Variants in BRCA2 observed in about 807,000 individuals in gnomAD.
The protein encoded by BRCA2 is BRCA2 DNA repair associated.
In BRCA2, 203 loss-of-function variants were observed where a neutral mutation model predicts 276.7. The observed-to-expected ratio is 0.73, with a 90% CI of 0.65 to 0.82. The LOEUF is 0.82. Ranked by LOEUF, BRCA2 falls within the 40% of genes least tolerant of loss-of-function variation. The pLI is 0.00. For missense variants in BRCA2, 3,920 were observed against 3,915.0 expected (o/e 1.00, Z -0.03); for synonymous variants, 1,289 against 1,338.4 (o/e 0.96, Z 0.81).
rs1374193072 is a variant in BRCA2 at position 32,336,622 on chromosome 13, A to G, written c.2267A>G (p.Gln756Arg). Residue 756 changes from glutamine to arginine, a missense_variant, in exon 11 of 27, where the codon CAG becomes CGG. Gln to Arg is a conservative substitution (Grantham distance 43). This residue lies in a region of BRCA2 where 3,263 missense variants were observed against 3,156.9 expected (regional missense o/e 1.03). Transcript: ENST00000380152. The part of the protein sequence containing the change: ...VEYSDTDFQS[Q>R]KSLLYDHENA... ...TACAGTGATACTGACTTTCAATCCC[A>G]GAAAAGTCTTTTATATGATCATGAA... 2 of 1,614,104 alleles carry G rather than the reference A, an allele frequency of 1.2e-6. No individual in the cohort carries two copies. Among genetic ancestry groups the G allele is most frequent in the South Asian group, 2.2e-5 (2 of 91,074 alleles).
rs2073041082 is a variant in BRCA2 at position 32,396,971 on chromosome 13, C to T, written c.9575C>T (p.Ser3192Phe). 1 of 1,613,946 alleles carries T rather than the reference C, an allele frequency of 6.2e-7. No homozygotes were observed. Residue 3192 changes from serine (S) to phenylalanine (F), a missense_variant, in exon 26 of 27, where the codon TCC (serine) becomes TTC (phenylalanine). Physicochemically the swap from Ser to Phe is radical, Grantham distance 155 (BLOSUM62 -2). Around this residue, in one of 2 missense-constraint regions of BRCA2, gnomAD observed 657 missense variants for 758.2 expected, o/e 0.87. Transcript: ENST00000380152. Reference protein sequence around the residue: ...HILHANDPKWSTPTKDCTSGP... With the variant: ...HILHANDPKWFTPTKDCTSGP... The stretch of plus-strand genomic sequence containing the variant: ...CTGCATGCAAATGATCCCAAGTGGT[C>T]CACCCCAACTAAAGACTGTACTTCA...
chr13:32,353,941 C>T (rs766280689), intron 13 of BRCA2, among the ~76,000 whole-genome samples: 1 of 152,146 alleles, frequency 6.6e-6, no homozygotes, highest in African/African-American at 2.4e-5. Flanking sequence ...GGAGAAAAAT[C>T]GGGCATGAGG....
intron 1 of BRCA2, among the ~76,000 whole-genome samples, chr13:32,316,106 C>T (rs565677349): frequency 7.2e-5 from 11 of 152,170 alleles, no homozygotes; most frequent in Non-Finnish European, 1.6e-4. Flanking sequence ...AATTACCAGG[C>T]GGCGTTGGTC....
Position 32,336,493 on chromosome 13 carries a change from A to T in BRCA2, c.2138A>T (p.Gln713Leu), listed in dbSNP as rs55816687. 2.2e-4 allele frequency: 362 copies of T among 1,614,142 alleles called. No individual in the cohort carries two copies. In the African/African-American group the frequency reaches 4.5e-3, roughly 20 times the overall value. The change falls in exon 11 of 27, where the codon CAG becomes CTG. Residue 713 changes from glutamine (Q) to leucine (L), a missense_variant. Gln to Leu is a moderately radical substitution (Grantham distance 113, BLOSUM62 -2). Around this residue, in one of 2 missense-constraint regions of BRCA2, gnomAD observed 3,263 missense variants for 3,156.9 expected, o/e 1.03. Transcript: ENST00000380152. ...TPEADSLSCLQEGQCENDPKS... is the reference protein window; with the variant it reads ...TPEADSLSCLLEGQCENDPKS... Reference sequence around the variant, plus strand: ...GAAGCTGATTCTCTGTCATGCCTGCAGGAAGGACAGTGTGAAAATGATCCA... The same window carrying T: ...GAAGCTGATTCTCTGTCATGCCTGCTGGAAGGACAGTGTGAAAATGATCCA...
chr13:32,365,211 A>C (rs1341264184), intron 18 of BRCA2, among the ~76,000 whole-genome samples: 1 of 127,594 alleles, frequency 7.8e-6, no homozygotes, highest in African/African-American at 3.0e-5. Context: ...TGTGTTGCCT[A>C]GGCTGGTCTT....
intron 26 of BRCA2, 51 bp downstream of exon 26, chr13:32,397,095 A>T (rs945774915): frequency 6.4e-7 from 1 of 1,569,638 alleles, no homozygotes; most frequent in Non-Finnish European, 8.8e-7. Context: ...TATGGAGGCC[A>T]TCGTATATTC....
intron 11 of BRCA2, among the ~76,000 whole-genome samples, chr13:32,342,455 T>C (rs2072579221): frequency 1.3e-5 from 2 of 152,208 alleles, no homozygotes; most frequent in Admixed American, 1.3e-4. Flanking sequence ...ACTTCCCTTT[T>C]AAATGTATAT....
intron 14 of BRCA2, among the ~76,000 whole-genome samples, chr13:32,355,602 C>G (rs1593918883): frequency 6.6e-6 from 1 of 152,120 alleles, no homozygotes; most frequent in African/African-American, 2.4e-5. Context: ...TGGCTCATGC[C>G]TGTAATCCCA....
At chr13:32,331,898 C>G (rs560975708) in intron 9 of BRCA2, among the ~76,000 whole-genome samples, 15 of 152,136 alleles carry the variant, frequency 9.9e-5, no homozygotes, top group Non-Finnish European at 1.9e-4. Context: ...ATCAGATTTA[C>G]CCTTGTTATA....
Position 32,338,305 on chromosome 13 carries a change from C to A in BRCA2, c.3950C>A (p.Thr1317Asn), listed in dbSNP as rs1593901002. ...ATTACTGAAAATTACAAGAGAAATACTGAAAATGAAGATAACAAATATACT... is the reference window on the plus strand; with the variant it reads ...ATTACTGAAAATTACAAGAGAAATAATGAAAATGAAGATAACAAATATACT... ...EEITENYKRNTENEDNKYTAA... is the reference protein window; with the variant it reads ...EEITENYKRNNENEDNKYTAA... The change falls in exon 11 of 27, where the codon ACT (threonine) becomes AAT (asparagine). Residue 1317 changes from threonine (T) to asparagine (N), a missense_variant. This residue lies in a region of BRCA2 where 3,263 missense variants were observed against 3,156.9 expected (regional missense o/e 1.03). Transcript: ENST00000380152. 6.3e-7 allele frequency: 1 copy of A among 1,582,308 alleles called. No individual in the cohort carries two copies. The highest frequency in any genetic ancestry group is 1.2e-5 in the South Asian group (1 of 84,652).
rs1217007370 is a variant in BRCA2 at position 32,326,538 on chromosome 13, G to C, written c.556G>C (p.Ala186Pro). Reference protein sequence around the residue: ...TPKHISESLGAEVDPDMSWSS... With the variant: ...TPKHISESLGPEVDPDMSWSS... ...AAAACATATTTCTGAAAGTCTAGGA[G>C]CTGAGGTGGATCCTGATATGTCTTG... Residue 186 changes from alanine (A) to proline (P), a missense_variant, in exon 7 of 27, where the codon GCT becomes CCT. This residue lies in a region of BRCA2 where 3,263 missense variants were observed against 3,156.9 expected (regional missense o/e 1.03). Coordinates refer to ENST00000380152, the MANE Select transcript of BRCA2 (RefSeq NM_000059.4). 6.2e-7 allele frequency: 1 copy of C among 1,614,012 alleles called. No homozygotes were observed. The highest frequency in any genetic ancestry group is 8.5e-7 in the Non-Finnish European group (1 of 1,179,912).
At position 32,375,622 on chromosome 13, in the gene BRCA2, G is replaced by A. The variant is rs540330104; in HGVS notation, c.8633-1048G>A. 2.2e-4 allele frequency among the ~76,000 whole-genome samples: 33 copies of A among 150,370 alleles called. 1 individual carries two copies. The highest frequency in any genetic ancestry group is 1.6e-3 in the East Asian group (8 of 5,118). ...GTTGCCCAGGCTGGAGTGCAATGGC[G>A]TGATCTTGGCTCACAGCAACCTCTG... is the stretch of plus-strand genomic sequence containing the variant. On this transcript the variant is annotated intron_variant, in intron 20 of 26. Coordinates refer to ENST00000380152, the MANE Select transcript of BRCA2 (RefSeq NM_000059.4).
At chr13:32,386,826 C>T (rs2072964191) in intron 24 of BRCA2, among the ~76,000 whole-genome samples, 1 of 152,108 alleles carries the variant, frequency 6.6e-6, no homozygotes, top group African/African-American at 2.4e-5. Context: ...CAGTGAGTAA[C>T]GCCGTGTATT....
intron 7 of BRCA2, 80 bp from the exon 8 acceptor site, chr13:32,329,363 G>A (rs2072371986): frequency 2.1e-6 from 2 of 942,868 alleles, no homozygotes; most frequent in Non-Finnish European, 3.3e-6. Flanking sequence ...AATAGTAGAT[G>A]TGCTTTTTGA....
At chr13:32,318,231 G>A (rs777130459) in intron 2 of BRCA2, among the ~76,000 whole-genome samples, 39 of 152,126 alleles carry the variant, frequency 2.6e-4, no homozygotes, top group Non-Finnish European at 4.6e-4. Flanking sequence ...TCATGAAAAA[G>A]GGAAATGATT....
chr13:32,323,607 C>T (rs1001077031), intron 3 of BRCA2, among the ~76,000 whole-genome samples: 5 of 152,100 alleles, frequency 3.3e-5, no homozygotes, highest in Admixed American at 2.0e-4. Context: ...ATGTCTAGTC[C>T]ATGTTAACTT....
At chr13:32,353,467 C>CAGAG (rs201457205) in intron 13 of BRCA2, among the ~76,000 whole-genome samples, 34,300 of 152,108 alleles carry the variant, frequency 0.23, 3,975 homozygotes, top group East Asian at 0.4. Flanking sequence ...AGAGTAGAGA[C>CAGAG]TAAAAGCCCT....
intron 16 of BRCA2, among the ~76,000 whole-genome samples, chr13:32,359,950 G>A (rs2072727931): frequency 6.6e-6 from 1 of 152,188 alleles, no homozygotes; most frequent in East Asian, 1.9e-4. Context: ...TATGTGGAAG[G>A]CATAGAAAAT....
upstream of BRCA2, among the ~76,000 whole-genome samples, chr13:32,315,077 G>A (rs1175588878): frequency 6.6e-6 from 1 of 152,016 alleles, no homozygotes; most frequent in African/African-American, 2.4e-5. Flanking sequence ...ACCACACACC[G>A]ACCACTCTAA....
Sources: gnomAD v4.1 joint callset for allele counts (sites outside exome capture counted in the v4.1 genomes callset) on GRCh38, gnomAD v4.1.1 for gene constraint, gnomAD v4.1.1 regional missense constraint, MANE v1.5 for transcripts, NCBI Gene and HGNC (gene_info 2026-07-23, HGNC 2026-07-21) for gene names.